The following OOSP4B variants were observed in gnomAD, a reference collection of about 807,000 sequenced individuals.
The protein encoded by OOSP4B is oocyte-secreted protein 4B.
intron 4 of OOSP4B, 87 bp from the exon 5 acceptor site, chr11:60,030,715 G>T (rs1262061725): frequency 5.0e-6 from 2 of 397,306 alleles, no homozygotes; most frequent in Non-Finnish European, 8.9e-6. Flanking sequence ...TTCTAATTGA[G>T]CACCCATGAG....
chr11:60,020,312 C>T (rs1207867432), intron 1 of OOSP4B, among the ~76,000 whole-genome samples: 1 of 152,168 alleles, frequency 6.6e-6, no homozygotes, highest in Non-Finnish European at 1.5e-5. Flanking sequence ...GCAGGGGGCC[C>T]CCGCTTGTTG....
chr11:60,029,931 T>C lies in OOSP4B; in HGVS notation c.450+2T>C. ...CTTAATTTTAACAGTGTTAATAAGG[T>C]GAGAATATTAAGGTTGTTTATTTTA... is the stretch of plus-strand genomic sequence containing the variant. On this transcript the variant is annotated splice_donor_variant, in intron 4 of 4. Coordinates refer to ENST00000642343, the Ensembl canonical transcript of OOSP4B. LOFTEE classifies it high-confidence loss of function. 2.5e-6 allele frequency: 1 copy of C among 398,256 alleles called. No individual in the cohort carries two copies. 24.7% of individuals were successfully genotyped at this position (398,256 alleles called of 1,614,324 possible). A position where few individuals can be genotyped will look rare whatever the true frequency, so the allele number is the denominator to read the frequency against.
chr11:60,030,750 G>C (rs546907042), intron 4 of OOSP4B, 52 bp from the exon 5 acceptor site: 13 of 397,874 alleles, frequency 3.3e-5, no homozygotes, highest in African/African-American at 2.3e-4. Context: ...TTTCTTTTTA[G>C]GTAAGGTTAT....
chr11:60,020,502 G>A (rs1205266444), intron 1 of OOSP4B, among the ~76,000 whole-genome samples: 1 of 152,214 alleles, frequency 6.6e-6, no homozygotes, highest in Non-Finnish European at 1.5e-5. Flanking sequence ...GGGCCAGCCG[G>A]CGGCTCCGAG....
chr11:60,028,059 ACT>A (rs1165279988), intron 3 of OOSP4B, among the ~76,000 whole-genome samples: 1 of 150,530 alleles, frequency 6.6e-6, no homozygotes, highest in Non-Finnish European at 1.5e-5. Flanking sequence ...TTAAATTCCT[ACT>A]TCTGATTCCT....
At chr11:60,030,629 G>A (rs12419640) in intron 4 of OOSP4B, among the ~76,000 whole-genome samples, 173 bp from the exon 5 acceptor site, 30,305 of 152,002 alleles carry the variant, frequency 0.2, 3,600 homozygotes, top group Admixed American at 0.37. Context: ...AATATCTAAT[G>A]GTTATATTTG....
intron 1 of OOSP4B, among the ~76,000 whole-genome samples, chr11:60,022,931 A>G (rs541986194): frequency 8.1e-4 from 123 of 152,292 alleles, no homozygotes; most frequent in African/African-American, 2.7e-3. Context: ...TTTAATTGAT[A>G]CTGAGGATGG....
At chr11:60,029,613 T>C (rs1854783960) in intron 3 of OOSP4B, among the ~76,000 whole-genome samples, 169 bp from the exon 4 acceptor site, 1 of 152,198 alleles carries the variant, frequency 6.6e-6, no homozygotes, top group African/African-American at 2.4e-5. Context: ...CTATTCAAGG[T>C]TCTGTTACAA....
At chr11:60,019,131 G>A (rs977504775) in intron 1 of OOSP4B, among the ~76,000 whole-genome samples, 8 of 152,104 alleles carry the variant, frequency 5.3e-5, no homozygotes, top group African/African-American at 1.9e-4. Context: ...GCTGAGGCAG[G>A]AGAATCACTT....
chr11:60,024,652 A>G (rs1388728156), intron 2 of OOSP4B, among the ~76,000 whole-genome samples: 1 of 152,204 alleles, frequency 6.6e-6, no homozygotes, highest in Admixed American at 6.5e-5. Flanking sequence ...ACTTTGGAAA[A>G]AGCACATATA....
intron 1 of OOSP4B, chr11:60,019,697 C>G (rs561594404): frequency 6.6e-6 from 1 of 152,380 alleles, no homozygotes; most frequent in African/African-American, 2.4e-5. Flanking sequence ...TGTTACAGCT[C>G]ATAAAGGCAG....
At chr11:60,030,996 A>G (rs1854802655) in exon 5 of OOSP4B, 1 of 393,214 alleles carries the variant, frequency 2.5e-6, no homozygotes, top group Non-Finnish European at 4.5e-6. Context: ...TAACATATCT[A>G]TACCATGATA....
intron 4 of OOSP4B, 145 bp downstream of exon 4, chr11:60,030,074 C>T (rs1854791764): frequency 5.1e-6 from 2 of 391,062 alleles, no homozygotes; most frequent in Admixed American, 4.4e-5. Context: ...AATTAGGTAC[C>T]GTAGTCTGTA....
At position 60,019,113 on chromosome 11, in the gene OOSP4B, C is replaced by T. The variant is rs533404700; in HGVS notation, c.22+1700C>T. On this transcript the variant is annotated intron_variant, in intron 1 of 4. Coordinates refer to ENST00000642343, the Ensembl canonical transcript of OOSP4B. The stretch of plus-strand genomic sequence containing the variant: ...TGGTGCGTGCCTGTAATCCCGACTA[C>T]TCAGGAGGCTGAGGCAGGAGAATCA... 3.3e-5 allele frequency among the ~76,000 whole-genome samples: 5 copies of T among 152,186 alleles called. 1 individual carries two copies. The highest frequency in any genetic ancestry group is 9.6e-5 in the African/African-American group (4 of 41,524).
exon 2 of OOSP4B, chr11:60,024,019 C>T (rs762717342): frequency 2.0e-5 from 8 of 398,430 alleles, no homozygotes; most frequent in Non-Finnish European, 3.5e-5. Flanking sequence ...CATTTAACTA[C>T]GCGTTTTCTT....
chr11:60,019,201 C>A (rs1368596445), intron 1 of OOSP4B, among the ~76,000 whole-genome samples: 1 of 151,266 alleles, frequency 6.6e-6, no homozygotes, highest in Admixed American at 6.6e-5. Flanking sequence ...CAAGCCTGGG[C>A]GACAGAGCGA....
At chr11:60,019,014 C>T (rs60793621) in intron 1 of OOSP4B, among the ~76,000 whole-genome samples, 2,603 of 152,036 alleles carry the variant, frequency 0.017, 73 homozygotes, top group African/African-American at 0.059. Context: ...GTCAGGAGTT[C>T]GAGACCAGCC....
intron 1 of OOSP4B, chr11:60,022,245 G>T (rs1305948586): frequency 6.6e-6 from 1 of 152,124 alleles, no homozygotes; most frequent in African/African-American, 2.4e-5. Flanking sequence ...GGAGGGACTT[G>T]ATAGTAATTA....
chr11:60,029,497 T>C (rs929327016), intron 3 of OOSP4B, among the ~76,000 whole-genome samples: 2 of 152,194 alleles, frequency 1.3e-5, no homozygotes, highest in African/African-American at 2.4e-5. Flanking sequence ...TCAGCATAGA[T>C]AGAATGTTTG....
Sources: gnomAD v4.1 joint callset for allele counts (sites outside exome capture counted in the v4.1 genomes callset) on GRCh38, gnomAD v4.1.1 for gene constraint, MANE v1.5 for transcripts, NCBI Gene and HGNC (gene_info 2026-07-23, HGNC 2026-07-21) for gene names.